DIP2C: variants seen among roughly 807,000 people sequenced by gnomAD.
DIP2C encodes the protein DIP2 acetate--CoA ligase C (putative).
In DIP2C, 33 loss-of-function variants were observed where a neutral mutation model predicts 192.4. That is an observed-to-expected ratio of 0.17 (90% CI 0.13 to 0.23). DIP2C has a LOEUF of 0.23. Among genes scored for constraint, DIP2C ranks in the 10% least tolerant of loss-of-function variants. The probability of loss-of-function intolerance (pLI) is 1.00; values close to 1 mark genes in which losing one functional copy is unlikely to be tolerated. For synonymous variants in DIP2C, 979 were observed against 864.1 expected, an observed-to-expected ratio of 1.13 and a Z score of -2.33; for missense variants, 1,537 against 2,110.1, an observed-to-expected ratio of 0.73 and a Z score of 5.32.
At chr10:588,389 TGTCTTG>T (rs1476504477) in intron 1 of DIP2C, among the ~76,000 whole-genome samples, 5 of 152,204 alleles carry the variant, frequency 3.3e-5, no homozygotes, top group African/African-American at 4.8e-5. Context: ...TGTCATCAAC[TGTCTTG>T]TTAAATTGGG....
intron 32 of DIP2C, among the ~76,000 whole-genome samples, chr10:300,989 C>T (rs1217920922): frequency 6.6e-6 from 1 of 152,134 alleles, no homozygotes; most frequent in East Asian, 1.9e-4. Flanking sequence ...CTGTTTATTT[C>T]AACAAAAGAA....
chr10:604,746 TAAAG>T (rs778076048), intron 1 of DIP2C, among the ~76,000 whole-genome samples: 1 of 152,228 alleles, frequency 6.6e-6, no homozygotes, highest in African/African-American at 2.4e-5. Flanking sequence ...ATGGGTATAT[TAAAG>T]AAAAAAGACA....
chr10:513,369 G>C (rs1459599037), intron 1 of DIP2C, among the ~76,000 whole-genome samples: 1 of 152,190 alleles, frequency 6.6e-6, no homozygotes, highest in Non-Finnish European at 1.5e-5. Flanking sequence ...TTTTAAAATT[G>C]TTTGTCGCGT....
At chr10:484,656 G>A in intron 2 of DIP2C, 1 of 1,353,290 alleles carries the variant, frequency 7.4e-7, no homozygotes, top group Non-Finnish European at 9.8e-7. Flanking sequence ...TGGCTCACTG[G>A]AGAATGGGAC....
rs551956317 is a variant in DIP2C, at chr10:688,174, T to C, written c.85+1320A>G. Among the ~76,000 whole-genome samples the C allele has an allele frequency of 5.3e-5, 8 of 152,258 alleles. No homozygotes were observed. In the East Asian group the frequency reaches 1.5e-3, roughly 29 times the overall value. On this transcript the variant is annotated intron_variant, in intron 1 of 36. Coordinates refer to ENST00000280886, the MANE Select transcript of DIP2C (RefSeq NM_014974.3). ...CCTGCACACGGCAGCTCCCGCCTCC[T>C]AGCCATGCCCTCCTCATCCTCAGCT...
chr10:663,161 A>G, intron 1 of DIP2C: 2 of 480,028 alleles, frequency 4.2e-6, no homozygotes, highest in East Asian at 6.3e-5. Context: ...TTCTGTTGCA[A>G]TTCTATGTCC....
At chr10:385,574 T>C (rs944459855) in intron 14 of DIP2C, among the ~76,000 whole-genome samples, 14 of 152,204 alleles carry the variant, frequency 9.2e-5, no homozygotes, top group African/African-American at 3.4e-4. Context: ...GAAGCTCGGA[T>C]TCTGGCTCTG....
chr10:367,355 T>C (rs1960390486), intron 18 of DIP2C, among the ~76,000 whole-genome samples: 1 of 148,778 alleles, frequency 6.7e-6, no homozygotes, highest in South Asian at 2.1e-4. Context: ...AGGCAGAGCC[T>C]GCGGTGAACC....
Position 419,139 on chromosome 10 carries a change from T to G in DIP2C, c.665A>C (p.Glu222Ala). Residue 222 changes from glutamate to alanine, a missense_variant, in exon 6 of 37, where the codon GAG becomes GCG. This residue lies in a region of DIP2C where 473 missense variants were observed against 539.6 expected (regional missense o/e 0.88). Coordinates refer to ENST00000280886, the MANE Select transcript of DIP2C (RefSeq NM_014974.3). ...TYTSEHSIQV[E>A]RPQGSTGSRT... ...GGACCCCGTGGAACCCTGCGGTCTC[T>G]CCACCTGTATCGAGTGCTCTGAGGT... 6.2e-7 allele frequency: 1 copy of G among 1,614,288 alleles called. No individual in the cohort carries two copies.
intron 1 of DIP2C, among the ~76,000 whole-genome samples, chr10:528,416 C>A (rs1001806898): frequency 1.3e-5 from 2 of 151,262 alleles, no homozygotes; most frequent in African/African-American, 2.4e-5. Flanking sequence ...ACTGCTCCCC[C>A]AGAACGCAGA....
intron 30 of DIP2C, among the ~76,000 whole-genome samples, chr10:329,078 A>C (rs1225135127): frequency 6.6e-6 from 1 of 152,210 alleles, no homozygotes; most frequent in East Asian, 1.9e-4. Flanking sequence ...ACCTTCTTAA[A>C]CACCAGTATC....
chr10:593,101 C>T (rs1851496172), intron 1 of DIP2C, among the ~76,000 whole-genome samples: 1 of 152,052 alleles, frequency 6.6e-6, no homozygotes, highest in Admixed American at 6.6e-5. Flanking sequence ...CTCATGCCTG[C>T]AATCCCAGCA....
chr10:340,108 G>A (rs1301216164), intron 29 of DIP2C, among the ~76,000 whole-genome samples: 1 of 151,822 alleles, frequency 6.6e-6, no homozygotes, highest in African/African-American at 2.4e-5. Context: ...TGGAACCCAG[G>A]AGGCAGAGGT....
At chr10:297,114 A>T (rs1955791912) in intron 32 of DIP2C, among the ~76,000 whole-genome samples, 1 of 152,002 alleles carries the variant, frequency 6.6e-6, no homozygotes, top group Admixed American at 6.6e-5. Flanking sequence ...GAATCACTTG[A>T]ACCGGGGAGG....
chr10:488,211 A>G (rs1001435027), intron 1 of DIP2C, among the ~76,000 whole-genome samples: 1 of 152,182 alleles, frequency 6.6e-6, no homozygotes, highest in African/African-American at 2.4e-5. Context: ...CATGCCCCGC[A>G]TTTTCCCCCA....
chr10:568,799 C>CAAAAAAAAAA (rs922604069), intron 1 of DIP2C, among the ~76,000 whole-genome samples: 2 of 98,790 alleles, frequency 2.0e-5, no homozygotes, highest in Non-Finnish European at 3.7e-5. Flanking sequence ...AAAAAAAAAA[C>CAAAAAAAAAA]CTTCACTTGA....
At chr10:321,212 G>A (rs2132395453) in intron 31 of DIP2C, among the ~76,000 whole-genome samples, 1 of 152,336 alleles carries the variant, frequency 6.6e-6, no homozygotes, top group Non-Finnish European at 1.5e-5. Context: ...TGCTTGTCCA[G>A]GCGCCAAGTC....
chr10:306,974 G>A (rs1323167888), intron 32 of DIP2C, among the ~76,000 whole-genome samples: 1 of 152,218 alleles, frequency 6.6e-6, no homozygotes, highest in African/African-American at 2.4e-5. Context: ...CATGATAGAT[G>A]CAGGCCTTCC....
intron 17 of DIP2C, among the ~76,000 whole-genome samples, chr10:374,552 C>T (rs982610644): frequency 1.4e-4 from 21 of 152,224 alleles, no homozygotes; most frequent in African/African-American, 4.6e-4. Flanking sequence ...GTGGAGCCAG[C>T]GCCAATCTCA....
Sources: allele counts gnomAD v4.1 joint callset (sites outside exome capture counted in the v4.1 genomes callset), GRCh38; gene constraint gnomAD v4.1.1; regional missense constraint gnomAD v4.1.1; transcripts MANE v1.5; gene names NCBI Gene and HGNC (gene_info 2026-07-23, HGNC 2026-07-21).